Variants in SLC12A2 observed in about 807,000 individuals in gnomAD.
The protein encoded by SLC12A2 is solute carrier family 12 member 2, also known as Na-K-2Cl cotransporter 1.
Under a neutral mutation model 136.3 loss-of-function variants are expected in SLC12A2, and 67 were observed. The ratio of observed to expected loss-of-function variants is 0.49; its 90% CI spans 0.40 to 0.60. The LOEUF (loss-of-function observed/expected upper bound fraction) is 0.60, where lower values mean the gene tolerates loss of function less well. SLC12A2 is among the 20% of genes least tolerant of loss of function. The probability of loss-of-function intolerance (pLI) is 0.00; values close to 1 mark genes in which losing one functional copy is unlikely to be tolerated. For missense variants in SLC12A2, 1,322 were observed against 1,534.7 expected, an observed-to-expected ratio of 0.86 and a Z score of 2.32; for synonymous variants, 619 against 562.9, an observed-to-expected ratio of 1.10 and a Z score of -1.41.
At chr5:128,184,909 G>T in intron 26 of SLC12A2, 53 bp downstream of exon 26, 2 of 1,445,518 alleles carry the variant, frequency 1.4e-6, no homozygotes, top group South Asian at 2.3e-5. Context: ...AATATGCTTT[G>T]AATTAATTTC....
rs777895247 is a variant in SLC12A2, at chr5:128,181,006, TCACA to T, written c.3212+13_3212+16del. The T allele has an allele frequency of 4.8e-6, 7 of 1,469,708 alleles. No individual in the cohort carries two copies. In the African/African-American group the frequency reaches 6.9e-5, roughly 15 times the overall value. 91.0% of individuals were successfully genotyped at this position (1,469,708 alleles called of 1,614,324 possible). On this transcript the variant is annotated intron_variant, in intron 23 of 26. Coordinates refer to ENST00000262461, the MANE Select transcript of SLC12A2 (RefSeq NM_001046.3). Reference sequence around the variant, plus strand: ...CATGACCGGAGAGCGTAAGTTTATTTCACATTGAAGGGCATGAATCTATTAGCAC... The same window carrying T: ...CATGACCGGAGAGCGTAAGTTTATTTTTGAAGGGCATGAATCTATTAGCAC...
intron 23 of SLC12A2, among the ~76,000 whole-genome samples, chr5:128,181,808 C>T (rs370663316): frequency 7.9e-5 from 12 of 151,926 alleles, no homozygotes; most frequent in African/African-American, 2.9e-4. Context: ...CAGGCTTTTA[C>T]TCCTTTGCCT....
chr5:128,153,703 T>C lies in SLC12A2; in HGVS notation c.2363+898T>C, dbSNP rs1276061943. ...TTTATTAGTAAACCAAAAGGGAAAATAATGTTTTTAAAGAAACCCTGAAAC... is the reference window on the plus strand; with the variant it reads ...TTTATTAGTAAACCAAAAGGGAAAACAATGTTTTTAAAGAAACCCTGAAAC... On this transcript the variant is annotated intron_variant, in intron 15 of 26. Coordinates refer to ENST00000262461, the MANE Select transcript of SLC12A2 (RefSeq NM_001046.3). Among the ~76,000 whole-genome samples the C allele has an allele frequency of 2.0e-5, 3 of 152,072 alleles. No homozygotes were observed. In the East Asian group the frequency reaches 5.8e-4, roughly 29 times the overall value.
intron 4 of SLC12A2, among the ~76,000 whole-genome samples, chr5:128,122,960 A>G (rs1487648279): frequency 1.3e-5 from 2 of 152,062 alleles, no homozygotes; most frequent in African/African-American, 4.8e-5. Flanking sequence ...ATTTAACATA[A>G]CTTTATGTTT....
intron 7 of SLC12A2, 105 bp from the exon 8 acceptor site, chr5:128,138,492 A>T: frequency 1.0e-6 from 1 of 1,003,078 alleles, no homozygotes; most frequent in Non-Finnish European, 1.4e-6. Flanking sequence ...TCGTTACTTT[A>T]ACTGAAGAAA....
At chr5:128,184,282 C>A (rs950642067) in intron 24 of SLC12A2, 84 bp from the exon 25 acceptor site, 7 of 894,196 alleles carry the variant, frequency 7.8e-6, no homozygotes, top group Admixed American at 5.5e-5. Context: ...ACTAACTTTG[C>A]AAGTTACAAT....
chr5:128,120,669 T>C (rs1761529910), intron 4 of SLC12A2, among the ~76,000 whole-genome samples: 3 of 150,458 alleles, frequency 2.0e-5, no homozygotes, highest in African/African-American at 4.9e-5. Context: ...TGAGAACACA[T>C]GGACACAGGA....
In SLC12A2 at chr5:128,158,002, G is replaced by A. The variant is rs73784521; in HGVS notation, c.2364-51G>A. 14,971 of 1,480,422 alleles carry A rather than the reference G, an allele frequency of 0.01. 1,025 individuals carry two copies. The African/African-American group carries it at 0.16, about 16-fold the overall frequency. 91.7% of individuals were successfully genotyped at this position (1,480,422 alleles called of 1,614,324 possible). A position where few individuals can be genotyped will look rare whatever the true frequency, so the allele number is the denominator to read the frequency against. Reference sequence around the variant, plus strand: ...TAGGGAAACAACTTAAAATCTTGTTGCCAGAAACACAAATTTATCTAATTT... The same window carrying A: ...TAGGGAAACAACTTAAAATCTTGTTACCAGAAACACAAATTTATCTAATTT... On this transcript the variant is annotated intron_variant, in intron 15 of 26. Coordinates refer to ENST00000262461, the MANE Select transcript of SLC12A2 (RefSeq NM_001046.3).
intron 1 of SLC12A2, among the ~76,000 whole-genome samples, chr5:128,085,021 C>G (rs1487042011): frequency 6.6e-6 from 1 of 150,634 alleles, no homozygotes; most frequent in African/African-American, 2.5e-5. Context: ...CTCTGAATGA[C>G]AGTAGTGTTT....
chr5:128,185,456 C>T (rs1373340227), intron 26 of SLC12A2, among the ~76,000 whole-genome samples: 1 of 151,892 alleles, frequency 6.6e-6, no homozygotes, highest in African/African-American at 2.4e-5. Context: ...AAGCTCAGGC[C>T]TCTCCCCCAC....
intron 22 of SLC12A2, among the ~76,000 whole-genome samples, chr5:128,178,999 TA>T (rs1282321041): frequency 6.6e-6 from 1 of 152,206 alleles, no homozygotes; most frequent in Admixed American, 6.5e-5. Context: ...AGTTTTAGGT[TA>T]TCTACCTTTG....
chr5:128,111,777 A>T (rs1419166390), intron 1 of SLC12A2, among the ~76,000 whole-genome samples: 1 of 150,280 alleles, frequency 6.7e-6, no homozygotes, highest in Non-Finnish European at 1.5e-5. Context: ...AAAAAAAAAA[A>T]AAAAGTGTAC....
chr5:128,164,794 A>G (rs993792680), intron 17 of SLC12A2, among the ~76,000 whole-genome samples: 3 of 150,198 alleles, frequency 2.0e-5, no homozygotes, highest in African/African-American at 7.4e-5. Context: ...TTAAGCATCT[A>G]TTTATCATTA....
At chr5:128,125,678 CTT>C (rs891680133) in intron 4 of SLC12A2, among the ~76,000 whole-genome samples, 1 of 150,882 alleles carries the variant, frequency 6.6e-6, no homozygotes, top group African/African-American at 2.4e-5. Flanking sequence ...TCCGGTTTCT[CTT>C]TTTTTTTATG....
At position 128,096,698 on chromosome 5, in the gene SLC12A2, G is replaced by A. The variant is rs974533753; in HGVS notation, c.756+11988G>A. Among the ~76,000 whole-genome samples, 6 of 152,136 alleles carry A rather than the reference G, an allele frequency of 3.9e-5. 1 individual carries two copies. The South Asian group carries it at 1.2e-3, about 32-fold the overall frequency. Reference sequence around the variant, plus strand: ...CTTACCTATAAATTTCTAGAGATTTGCCTAAGGTTGGGTTTAGAGAAAATA... The same window carrying A: ...CTTACCTATAAATTTCTAGAGATTTACCTAAGGTTGGGTTTAGAGAAAATA... On this transcript the variant is annotated intron_variant, in intron 1 of 26. Transcript: ENST00000262461.
chr5:128,141,638 A>G (rs139130836), intron 9 of SLC12A2, among the ~76,000 whole-genome samples, 192 bp from the exon 10 acceptor site: 1 of 152,314 alleles, frequency 6.6e-6, no homozygotes, highest in East Asian at 1.9e-4. Context: ...GTTTCATCAC[A>G]TATTGGGGAC....
intron 20 of SLC12A2, among the ~76,000 whole-genome samples, chr5:128,174,974 A>G (rs941429607): frequency 6.6e-6 from 1 of 152,060 alleles, no homozygotes; most frequent in African/African-American, 2.4e-5. Flanking sequence ...CTGAATTTGG[A>G]AAGAACATGG....
At chr5:128,168,993 A>G (rs1314667451) in intron 18 of SLC12A2, 1 of 152,194 alleles carries the variant, frequency 6.6e-6, no homozygotes, top group Admixed American at 6.5e-5. Context: ...GTAATCTACC[A>G]CATACTTTTT....
chr5:128,183,582 T>C (rs970208079), intron 24 of SLC12A2, among the ~76,000 whole-genome samples: 1 of 151,964 alleles, frequency 6.6e-6, no homozygotes, highest in African/African-American at 2.4e-5. Context: ...ATTTTTCATG[T>C]TCATAGAGGA....
Sources: allele counts gnomAD v4.1 joint callset (sites outside exome capture counted in the v4.1 genomes callset), GRCh38; gene constraint gnomAD v4.1.1; transcripts MANE v1.5; gene names NCBI Gene and HGNC (gene_info 2026-07-23, HGNC 2026-07-21).